Variants in AZIN2 observed in about 807,000 individuals in gnomAD.
The protein encoded by AZIN2 is ODC antizyme inhibitor-2.
A neutral mutation model predicts 47.8 loss-of-function variants in AZIN2; 28 were observed. The observed-to-expected ratio is 0.59, with a 90% CI of 0.43 to 0.80. The LOEUF (loss-of-function observed/expected upper bound fraction) is 0.80, where lower values mean the gene tolerates loss of function less well. Ranked by LOEUF, AZIN2 falls within the 30% of genes least tolerant of loss-of-function variation. The pLI is 0.00. For synonymous variants in AZIN2, 221 were observed against 239.4 expected, an observed-to-expected ratio of 0.92 and a Z score of 0.71; for missense variants, 535 against 582.5, an observed-to-expected ratio of 0.92 and a Z score of 0.84.
the AZIN2 span, among the ~76,000 whole-genome samples, chr1:33,159,033 C>T: frequency 2.6e-5 from 4 of 151,688 alleles, no homozygotes; most frequent in Admixed American, 6.6e-5. The surrounding 1 kb of genome is among the most constrained non-coding windows in gnomAD (Gnocchi z 4.2). Flanking sequence ...TTAGTAGAGA[C>T]GGGGTTTCAC....
intron 10 of AZIN2, among the ~76,000 whole-genome samples, chr1:33,110,286 C>T (rs1644230385): frequency 6.6e-6 from 1 of 152,188 alleles, no homozygotes; most frequent in Admixed American, 6.5e-5. Context: ...AACAAATTCT[C>T]TCTGGAGGAG....
At chr1:33,129,568 A>G in the AZIN2 span, among the ~76,000 whole-genome samples, 49 of 152,260 alleles carry the variant, frequency 3.2e-4, no homozygotes, top group African/African-American at 1.1e-3. This position sits in a 1 kb window ranked among gnomAD's most constrained non-coding sequence, Gnocchi z 4.1. Context: ...CCTCATAAAT[A>G]TATATAGTCT....
the AZIN2 span, chr1:33,165,588 G>T: frequency 1.3e-6 from 2 of 1,589,830 alleles, no homozygotes; most frequent in Non-Finnish European, 1.7e-6. This position sits in a 1 kb window ranked among gnomAD's most constrained non-coding sequence, Gnocchi z 4.0. Context: ...ACAGGGCCGG[G>T]ATGGGGGCAG....
chr1:33,104,014 C>G (rs1043321079), intron 10 of AZIN2, among the ~76,000 whole-genome samples: 7 of 151,920 alleles, frequency 4.6e-5, no homozygotes, highest in Non-Finnish European at 8.8e-5. Flanking sequence ...TCCCGAGTAG[C>G]TGGGATTACA....
At chr1:33,116,521 C>T (rs1644549782) in intron 10 of AZIN2, among the ~76,000 whole-genome samples, 1 of 152,086 alleles carries the variant, frequency 6.6e-6, no homozygotes, top group Admixed American at 6.5e-5. Flanking sequence ...CATATATTCC[C>T]CATTCTTTAA....
chr1:33,147,719 C>A, the AZIN2 span: 1 of 1,609,304 alleles, frequency 6.2e-7, no homozygotes. The surrounding 1 kb of genome is among the most constrained non-coding windows in gnomAD (Gnocchi z 8.1). Flanking sequence ...AGGGTTAGGG[C>A]GGCTGGCACT....
chr1:33,104,475 G>A (rs1643901540), intron 10 of AZIN2, among the ~76,000 whole-genome samples: 1 of 151,806 alleles, frequency 6.6e-6, no homozygotes, highest in Non-Finnish European at 1.5e-5. Flanking sequence ...AACTAAGTTT[G>A]CTGTAATTAA....
chr1:33,090,084 A>T (rs1642364436), intron 5 of AZIN2, among the ~76,000 whole-genome samples: 1 of 152,192 alleles, frequency 6.6e-6, no homozygotes, highest in South Asian at 2.1e-4. Flanking sequence ...CAAACTACGG[A>T]TGGAAGGCCA....
chr1:33,114,301 A>G (rs1644420987), intron 10 of AZIN2, among the ~76,000 whole-genome samples: 1 of 124,384 alleles, frequency 8.0e-6, no homozygotes, highest in South Asian at 2.4e-4. Flanking sequence ...TTGTATTTTT[A>G]GTAGAGACAG....
chr1:33,165,348 C>T, the AZIN2 span: 2 of 896,046 alleles, frequency 2.2e-6, no homozygotes, highest in Non-Finnish European at 1.7e-6. This position sits in a 1 kb window ranked among gnomAD's most constrained non-coding sequence, Gnocchi z 4.0. Flanking sequence ...CCAGGTTTGG[C>T]TCCTTGAAGC....
At chr1:33,130,111 G>T in the AZIN2 span, among the ~76,000 whole-genome samples, 1 of 152,118 alleles carries the variant, frequency 6.6e-6, no homozygotes, top group Non-Finnish European at 1.5e-5. Context: ...CACCTGCCTT[G>T]GCCTCCCAAA....
downstream of AZIN2, among the ~76,000 whole-genome samples, chr1:33,126,038 C>G (rs958062893): frequency 6.6e-6 from 1 of 152,140 alleles, no homozygotes; most frequent in Non-Finnish European, 1.5e-5. Context: ...CCATTCCTGC[C>G]CCAGCATTCT....
chr1:33,159,124 T>A, the AZIN2 span, among the ~76,000 whole-genome samples: 12 of 152,016 alleles, frequency 7.9e-5, no homozygotes, highest in African/African-American at 2.9e-4. This position sits in a 1 kb window ranked among gnomAD's most constrained non-coding sequence, Gnocchi z 4.2. Flanking sequence ...GGATTACAGG[T>A]GTGAGCCACC....
rs773786226 is a variant in AZIN2 at position 33,093,260 on chromosome 1, G to T, written c.453-22G>T. On this transcript the variant is annotated intron_variant, in intron 6 of 11. Coordinates refer to ENST00000294517, the MANE Select transcript of AZIN2 (RefSeq NM_052998.4). ...GGGGCGACAGGGTTTGTCCAGCAGA[G>T]GGGCACTGCGTGTCTCATCAGGATG... The T allele has an allele frequency of 6.8e-6, 11 of 1,613,006 alleles. No homozygotes were observed. In the East Asian group the frequency reaches 2.2e-4, roughly 33 times the overall value.
At chr1:33,162,812 C>T in the AZIN2 span, 1 of 152,310 alleles carries the variant, frequency 6.6e-6, no homozygotes, top group African/African-American at 2.4e-5. Context: ...GACTACAAAG[C>T]CATAGCTCTT....
the AZIN2 span, chr1:33,147,037 A>G: frequency 2.4e-6 from 2 of 834,764 alleles, no homozygotes; most frequent in Non-Finnish European, 3.8e-6. The surrounding 1 kb of genome is among the most constrained non-coding windows in gnomAD (Gnocchi z 8.1). Flanking sequence ...TCCATTTTAC[A>G]GACTGGAGGC....
At chr1:33,103,618 G>A (rs1312572284) in intron 10 of AZIN2, among the ~76,000 whole-genome samples, 4 of 152,016 alleles carry the variant, frequency 2.6e-5, no homozygotes, top group Non-Finnish European at 5.9e-5. Flanking sequence ...TTGTTTACTT[G>A]CCTATAGTCT....
the AZIN2 span, chr1:33,160,030 AC>A: frequency 1.8e-4 from 275 of 1,536,642 alleles, 1 homozygote; most frequent in Non-Finnish European, 2.2e-4. Flanking sequence ...GAGCCTTGAC[AC>A]ACAGAGAGGA....
intron 10 of AZIN2, among the ~76,000 whole-genome samples, chr1:33,106,851 G>T (rs143000505): frequency 2.2e-4 from 33 of 152,242 alleles, no homozygotes; most frequent in Admixed American, 6.5e-4. Flanking sequence ...AGACTAAGAT[G>T]CTCACTCTCA....
Sources: gnomAD v4.1 joint callset for allele counts (sites outside exome capture counted in the v4.1 genomes callset) on GRCh38, gnomAD v4.1.1 for gene constraint, Gnocchi (gnomAD v3.1) non-coding constraint, MANE v1.5 for transcripts, NCBI Gene and HGNC (gene_info 2026-07-23, HGNC 2026-07-21) for gene names.